GRIK1: variants seen among roughly 807,000 people sequenced by gnomAD.
GRIK1 encodes glutamate receptor ionotropic, kainate 1.
A neutral mutation model predicts 105.7 loss-of-function variants in GRIK1; 69 were observed. That is an observed-to-expected ratio of 0.65 (90% CI 0.54 to 0.80). GRIK1 has a LOEUF of 0.80. Among genes scored for constraint, GRIK1 ranks in the 30% least tolerant of loss-of-function variants. The pLI is 0.00. For missense variants in GRIK1, 1,109 were observed against 1,167.3 expected, an observed-to-expected ratio of 0.95 and a Z score of 0.73; for synonymous variants, 438 against 431.3, an observed-to-expected ratio of 1.02 and a Z score of -0.19.
At chr21:29,731,595 C>G (rs1284549662) in intron 1 of GRIK1, among the ~76,000 whole-genome samples, 1 of 152,116 alleles carries the variant, frequency 6.6e-6, no homozygotes, top group Non-Finnish European at 1.5e-5. Flanking sequence ...AAAATTTGCT[C>G]CATTTTAATT....
At chr21:29,708,920 T>C (rs1170744711) in intron 1 of GRIK1, among the ~76,000 whole-genome samples, 1 of 152,202 alleles carries the variant, frequency 6.6e-6, no homozygotes, top group African/African-American at 2.4e-5. Context: ...ATAATTGCTA[T>C]TGGGTTTTTA....
At chr21:29,871,760 A>ATTTTTT (rs35513177) in intron 1 of GRIK1, among the ~76,000 whole-genome samples, 2 of 121,152 alleles carry the variant, frequency 1.7e-5, no homozygotes, top group Non-Finnish European at 3.3e-5. Flanking sequence ...AATCTTTTTA[A>ATTTTTT]TTTTTTTTTT....
intron 3 of GRIK1, among the ~76,000 whole-genome samples, chr21:29,679,419 C>T (rs2063331377): frequency 6.6e-6 from 1 of 152,122 alleles, no homozygotes; most frequent in Non-Finnish European, 1.5e-5. Context: ...CTGTCTGGTG[C>T]TCATTTCCTT....
At chr21:29,634,308 C>T (rs2062349069) in intron 7 of GRIK1, among the ~76,000 whole-genome samples, 1 of 152,190 alleles carries the variant, frequency 6.6e-6, no homozygotes, top group African/African-American at 2.4e-5. Context: ...CCATAAATTA[C>T]ATTTTTCATA....
intron 7 of GRIK1, among the ~76,000 whole-genome samples, chr21:29,629,097 A>T (rs2062198197): frequency 6.6e-6 from 1 of 152,172 alleles, no homozygotes; most frequent in African/African-American, 2.4e-5. Context: ...TGCGTACTGG[A>T]GAGGTAGACA....
chr21:29,609,737 A>C (rs542287489), intron 7 of GRIK1, among the ~76,000 whole-genome samples: 1 of 152,218 alleles, frequency 6.6e-6, no homozygotes, highest in Non-Finnish European at 1.5e-5. Flanking sequence ...TGGTTCTTAG[A>C]TCTTCGGACT....
chr21:29,693,388 T>C (rs2063622906), intron 2 of GRIK1, among the ~76,000 whole-genome samples: 1 of 152,196 alleles, frequency 6.6e-6, no homozygotes, highest in Non-Finnish European at 1.5e-5. Context: ...ATGTAGACAT[T>C]GCTCTCACAG....
At chr21:29,846,517 G>C (rs947786346) in intron 1 of GRIK1, among the ~76,000 whole-genome samples, 2 of 142,278 alleles carry the variant, frequency 1.4e-5, no homozygotes, top group East Asian at 4.1e-4. Context: ...AAGAAAGAAA[G>C]AAATGCTTCT....
chr21:29,694,165 C>T lies in GRIK1; in HGVS notation c.119-102G>A, dbSNP rs533453516. 2.7e-5 allele frequency: 21 copies of T among 764,744 alleles called. No individual in the cohort carries two copies. In the East Asian group the frequency reaches 5.9e-4, roughly 21 times the overall value. 47.4% of individuals were successfully genotyped at this position (764,744 alleles called of 1,614,324 possible). A position where few individuals can be genotyped will look rare whatever the true frequency, so the allele number is the denominator to read the frequency against. ...TTTGAGACGGAGTCTCGCTCTGTCACCCAGACTGGAGTGCAATGGCACGAT... is the reference window on the plus strand; with the variant it reads ...TTTGAGACGGAGTCTCGCTCTGTCATCCAGACTGGAGTGCAATGGCACGAT... On this transcript the variant is annotated intron_variant, in intron 1 of 17. Transcript: ENST00000327783.
intron 7 of GRIK1, among the ~76,000 whole-genome samples, chr21:29,627,108 G>C (rs957166028): frequency 6.6e-6 from 1 of 152,102 alleles, no homozygotes. Context: ...AGTTTATCAG[G>C]TTCTTGTATT....
intron 1 of GRIK1, among the ~76,000 whole-genome samples, chr21:29,709,675 T>G (rs2063999468): frequency 6.6e-6 from 1 of 152,092 alleles, no homozygotes; most frequent in Non-Finnish European, 1.5e-5. Flanking sequence ...TTAGCTTTAT[T>G]TTATAGTTTT....
At chr21:29,823,425 A>T (rs1417670311) in intron 1 of GRIK1, among the ~76,000 whole-genome samples, 1 of 151,984 alleles carries the variant, frequency 6.6e-6, no homozygotes, top group African/African-American at 2.4e-5. Flanking sequence ...GAATGTAAAT[A>T]AGCTATATAT....
intron 1 of GRIK1, among the ~76,000 whole-genome samples, chr21:29,734,013 T>C (rs1404957062): frequency 6.6e-6 from 1 of 152,184 alleles, no homozygotes; most frequent in Admixed American, 6.5e-5. Flanking sequence ...TAAGTTTGTG[T>C]AATTCAATTT....
intron 1 of GRIK1, among the ~76,000 whole-genome samples, chr21:29,872,032 G>A (rs547221566): frequency 6.7e-6 from 1 of 150,280 alleles, no homozygotes; most frequent in South Asian, 2.1e-4. Context: ...CCAAAGTGCT[G>A]GGATTACAGG....
chr21:29,923,806 T>C (rs911969562), intron 1 of GRIK1, among the ~76,000 whole-genome samples: 2 of 152,148 alleles, frequency 1.3e-5, no homozygotes, highest in African/African-American at 4.8e-5. Context: ...TTAGATAAAA[T>C]AGGCTTTTCT....
At chr21:29,779,111 TC>T (rs1466319645) in intron 1 of GRIK1, among the ~76,000 whole-genome samples, 1 of 152,212 alleles carries the variant, frequency 6.6e-6, no homozygotes, top group Non-Finnish European at 1.5e-5. Context: ...AGGATGAGTA[TC>T]TGAAAAGAAA....
chr21:29,642,778 C>T lies in GRIK1; in HGVS notation c.1098+48G>A, dbSNP rs363591. The T allele has an allele frequency of 4.2e-3, 6,731 of 1,586,096 alleles. 245 individuals are homozygous for T. The African/African-American group carries it at 0.077, about 18-fold the overall frequency. On this transcript the variant is annotated intron_variant, in intron 7 of 17. Transcript: ENST00000327783. ...GGAGGACCATACCAAATGGGCAAGC[C>T]CAACAGTGCTCAGAAGGGCCCCTGG... is the stretch of plus-strand genomic sequence containing the variant.
chr21:29,560,458 TC>T (rs1601113828), intron 15 of GRIK1, among the ~76,000 whole-genome samples: 12 of 138,506 alleles, frequency 8.7e-5, no homozygotes, highest in African/African-American at 1.4e-4. Context: ...TCCCTTTCTT[TC>T]CTTCCTTTCC....
chr21:29,699,033 G>A (rs1342051067), intron 1 of GRIK1, among the ~76,000 whole-genome samples: 1 of 152,100 alleles, frequency 6.6e-6, no homozygotes, highest in Non-Finnish European at 1.5e-5. Flanking sequence ...CATAGATGTT[G>A]GTACAAATAA....
Sources: gnomAD v4.1 joint callset for allele counts (sites outside exome capture counted in the v4.1 genomes callset) on GRCh38, gnomAD v4.1.1 for gene constraint, MANE v1.5 for transcripts, NCBI Gene and HGNC (gene_info 2026-07-23, HGNC 2026-07-21) for gene names.